The following NPR3 variants were observed in gnomAD, a reference collection of about 807,000 sequenced individuals.
The protein encoded by NPR3 is natriuretic peptide receptor 3, also known as atrial natriuretic peptide receptor 3.
Under a neutral mutation model 54.5 loss-of-function variants are expected in NPR3, and 34 were observed. The observed-to-expected ratio is 0.62, with a 90% CI of 0.47 to 0.83. The LOEUF is 0.83. NPR3 is among the 40% of genes least tolerant of loss of function. The pLI, the probability that NPR3 is intolerant of heterozygous loss-of-function variation, is 0.00. For synonymous variants in NPR3, 289 were observed against 297.1 expected, an observed-to-expected ratio of 0.97 and a Z score of 0.28; for missense variants, 674 against 720.8, an observed-to-expected ratio of 0.94 and a Z score of 0.74.
At chr5:32,757,585 C>T (rs184404667) in intron 3 of NPR3, among the ~76,000 whole-genome samples, 2 of 151,998 alleles carry the variant, frequency 1.3e-5, no homozygotes, top group Non-Finnish European at 2.9e-5. Context: ...AATTGAATAC[C>T]CTTTATTTCT....
chr5:32,767,902 C>T (rs1419734057), intron 3 of NPR3, among the ~76,000 whole-genome samples: 2 of 152,176 alleles, frequency 1.3e-5, no homozygotes, highest in Non-Finnish European at 2.9e-5. Flanking sequence ...ATTAGAATTA[C>T]ATGCTCCTTC....
At chr5:32,724,584 A>G in intron 1 of NPR3, 114 bp from the exon 2 acceptor site, 1 of 1,195,392 alleles carries the variant, frequency 8.4e-7, no homozygotes, top group Non-Finnish European at 1.2e-6. Flanking sequence ...GTGAGGAGAT[A>G]CTTCAGGACC....
rs1738249813 is a variant in NPR3, at chr5:32,711,808, C to G, written c.32C>G (p.Pro11Arg). Reference sequence around the variant, plus strand: ...TCTCTGCTGGTGCTCACTTTCTCCCCGTGCGTACTACTCGGCTGGGCGTTG... The same window carrying G: ...TCTCTGCTGGTGCTCACTTTCTCCCGGTGCGTACTACTCGGCTGGGCGTTG... The part of the protein sequence containing the change: MPSLLVLTFS[P>R]CVLLGWALLA... The change falls in exon 1 of 8, where the codon CCG becomes CGG. Residue 11 changes from proline (P) to arginine (R), a missense_variant. By Grantham distance (103) the Pro-to-Arg change is moderately radical. Transcript: ENST00000265074. 3 of 1,446,076 alleles carry G rather than the reference C, an allele frequency of 2.1e-6. No individual in the cohort carries two copies. The highest frequency in any genetic ancestry group is 1.5e-5 in the African/African-American group (1 of 68,436). 89.6% of individuals were successfully genotyped at this position (1,446,076 alleles called of 1,614,324 possible).
At chr5:32,706,096 T>C (rs1737976954), upstream of NPR3, among the ~76,000 whole-genome samples, 1 of 152,012 alleles carries the variant, frequency 6.6e-6, no homozygotes, top group African/African-American at 2.4e-5. Context: ...TCCTTGGCAA[T>C]AGTGAGTGAA....
At chr5:32,710,617 C>CG, upstream of NPR3, 1 of 1,426,298 alleles carries the variant, frequency 7.0e-7, no homozygotes, top group Non-Finnish European at 9.2e-7. Flanking sequence ...CTGAGGAAGG[C>CG]GGGGTGTAGG....
At chr5:32,723,508 A>G (rs1158126935) in intron 1 of NPR3, among the ~76,000 whole-genome samples, 1 of 152,254 alleles carries the variant, frequency 6.6e-6, no homozygotes, top group Non-Finnish European at 1.5e-5. Flanking sequence ...TTCAAACAGC[A>G]GAAAGCTTGT....
intron 1 of NPR3, among the ~76,000 whole-genome samples, chr5:32,697,195 G>A (rs1368248336): frequency 1.1e-4 from 16 of 152,072 alleles, no homozygotes; most frequent in Non-Finnish European, 2.1e-4. Flanking sequence ...GTGAAGGGAT[G>A]TTGAATTATA....
intron 3 of NPR3, among the ~76,000 whole-genome samples, chr5:32,770,769 A>G (rs1362342815): frequency 6.6e-6 from 1 of 152,238 alleles, no homozygotes; most frequent in East Asian, 1.9e-4. Flanking sequence ...AAATGGCTGC[A>G]TGTAGGAACT....
chr5:32,754,841 A>G (rs1204907139), intron 3 of NPR3, among the ~76,000 whole-genome samples: 1 of 152,102 alleles, frequency 6.6e-6, no homozygotes, highest in Non-Finnish European at 1.5e-5. Context: ...CTGTGTTTAT[A>G]CCCTATCTTA....
chr5:32,729,035 GTT>G (rs57033344), intron 2 of NPR3, among the ~76,000 whole-genome samples: 1 of 79,608 alleles, frequency 1.3e-5, no homozygotes, highest in African/African-American at 5.2e-5. Flanking sequence ...TTTTTGTTTT[GTT>G]TTTTTTTTTT....
chr5:32,767,748 GA>G (rs375673592), intron 3 of NPR3, among the ~76,000 whole-genome samples: 43 of 144,560 alleles, frequency 3.0e-4, no homozygotes, highest in Middle Eastern at 3.5e-3. Context: ...AAGCAGAAAT[GA>G]AAAAAAAAAG....
chr5:32,698,543 T>C (rs1459910559), intron 1 of NPR3, among the ~76,000 whole-genome samples: 1 of 152,168 alleles, frequency 6.6e-6, no homozygotes, highest in Non-Finnish European at 1.5e-5. Context: ...ATATTCTGTC[T>C]GGAAGATTTG....
chr5:32,776,657 T>G (rs1336404814), intron 4 of NPR3, among the ~76,000 whole-genome samples: 2 of 152,204 alleles, frequency 1.3e-5, no homozygotes, highest in Non-Finnish European at 2.9e-5. Flanking sequence ...CTATATTAAT[T>G]TATTCATTCA....
intron 3 of NPR3, among the ~76,000 whole-genome samples, chr5:32,750,161 C>G (rs2111979066): frequency 2.0e-5 from 3 of 152,300 alleles, no homozygotes; most frequent in Admixed American, 2.0e-4. Context: ...ATATTTCTCA[C>G]TCTGTCACCC....
intron 3 of NPR3, among the ~76,000 whole-genome samples, chr5:32,746,922 C>T (rs1740329727): frequency 6.6e-6 from 1 of 151,938 alleles, no homozygotes; most frequent in African/African-American, 2.4e-5. Flanking sequence ...TTGTTTAAGT[C>T]AAAATAATAC....
chr5:32,768,360 A>G (rs1579685472), intron 3 of NPR3, among the ~76,000 whole-genome samples: 2 of 152,204 alleles, frequency 1.3e-5, no homozygotes, highest in African/African-American at 2.4e-5. Context: ...AAGCATCTGT[A>G]TATGACGCAT....
At chr5:32,776,907 T>C (rs1017346427) in intron 4 of NPR3, among the ~76,000 whole-genome samples, 13 of 152,058 alleles carry the variant, frequency 8.5e-5, no homozygotes, top group Non-Finnish European at 1.5e-5. Context: ...GGAAGGTCTC[T>C]GAGAGTGAAG....
In NPR3 at chr5:32,724,767, C is replaced by T. The variant is rs202027734; in HGVS notation, c.839C>T (p.Thr280Ile). The change falls in exon 2 of 8, where the codon ACC becomes ATC. Residue 280 changes from threonine (T) to isoleucine (I), a missense_variant. Physicochemically the swap from Thr to Ile is moderately conservative, Grantham distance 89. Coordinates refer to ENST00000265074, the MANE Select transcript of NPR3 (RefSeq NM_001204375.2). Reference protein sequence around the residue: ...IMLVAHRHGMTSGDYAFFNIE... With the variant: ...IMLVAHRHGMISGDYAFFNIE... ...CTGGTGGCGCACAGGCATGGCATGA[C>T]CAGTGGAGACTACGCCTTCTTCAAC... 1 of 1,613,852 alleles carries T rather than the reference C, an allele frequency of 6.2e-7. No homozygotes were observed. Among genetic ancestry groups the T allele is most frequent in the East Asian group, 2.2e-5 (1 of 44,876 alleles).
At chr5:32,784,734 A>C in intron 6 of NPR3, 62 bp from the exon 7 acceptor site, 1 of 1,313,088 alleles carries the variant, frequency 7.6e-7, no homozygotes, top group Non-Finnish European at 1.1e-6. Flanking sequence ...AATGAATGAA[A>C]CTCGAGGCAT....
Sources: allele counts gnomAD v4.1 joint callset (sites outside exome capture counted in the v4.1 genomes callset), GRCh38; gene constraint gnomAD v4.1.1; transcripts MANE v1.5; gene names NCBI Gene and HGNC (gene_info 2026-07-23, HGNC 2026-07-21).